Variants in ERCC6L2 observed in about 807,000 individuals in gnomAD.
ERCC6L2 encodes the protein DNA excision repair protein ERCC-6-like 2.
ERCC6L2 carries 77 observed loss-of-function variants against 132.0 expected under a neutral mutation model. That is an observed-to-expected ratio of 0.58 (90% CI 0.49 to 0.71). The LOEUF is 0.71. Ranked by LOEUF, ERCC6L2 falls within the 30% of genes least tolerant of loss-of-function variation. The probability of loss-of-function intolerance (pLI) is 0.00; values close to 1 mark genes in which losing one functional copy is unlikely to be tolerated. For synonymous variants in ERCC6L2, 583 were observed against 632.4 expected, an observed-to-expected ratio of 0.92 and a Z score of 1.17; for missense variants, 1,542 against 1,837.6, an observed-to-expected ratio of 0.84 and a Z score of 2.94.
At chr9:95,890,589 C>T (rs1034576783) in intron 2 of ERCC6L2, among the ~76,000 whole-genome samples, 1 of 152,172 alleles carries the variant, frequency 6.6e-6, no homozygotes, top group Non-Finnish European at 1.5e-5. Flanking sequence ...TTTGCAAAAG[C>T]TACTTTGTTT....
chr9:95,880,136 T>G (rs1827511740), intron 1 of ERCC6L2, among the ~76,000 whole-genome samples: 1 of 152,124 alleles, frequency 6.6e-6, no homozygotes, highest in Admixed American at 6.5e-5. Context: ...CAGAAAGAGA[T>G]CTTAGAATTC....
intron 13 of ERCC6L2, among the ~76,000 whole-genome samples, chr9:95,962,560 A>G (rs1298428577): frequency 6.6e-6 from 1 of 152,226 alleles, no homozygotes; most frequent in Non-Finnish European, 1.5e-5. Flanking sequence ...TGATGTGGCA[A>G]GATGTCTGAA....
intron 18 of ERCC6L2, among the ~76,000 whole-genome samples, chr9:96,009,595 C>G (rs763223294): frequency 5.3e-5 from 8 of 152,176 alleles, no homozygotes; most frequent in African/African-American, 9.7e-5. Flanking sequence ...TTTTTTCCCC[C>G]TTTCCCTAAG....
intron 13 of ERCC6L2, among the ~76,000 whole-genome samples, chr9:95,962,292 G>A (rs997588624): frequency 7.2e-4 from 109 of 152,090 alleles, no homozygotes; most frequent in African/African-American, 2.6e-3. Context: ...TGTTGGTTGG[G>A]GCATTTGAGA....
intron 4 of ERCC6L2, 125 bp from the exon 5 acceptor site, chr9:95,915,543 G>A (rs1198286064): frequency 1.1e-5 from 10 of 943,420 alleles, no homozygotes; most frequent in East Asian, 2.4e-5. Context: ...ATCCAATGGA[G>A]TCATCAAAGA....
chr9:95,961,943 C>G (rs891760080), intron 13 of ERCC6L2, among the ~76,000 whole-genome samples: 17 of 152,068 alleles, frequency 1.1e-4, no homozygotes, highest in African/African-American at 4.1e-4. Flanking sequence ...TTCACTACCA[C>G]GAGAACAGTA....
intron 12 of ERCC6L2, chr9:95,954,721 T>C (rs373654156): frequency 2.1e-6 from 1 of 467,356 alleles, no homozygotes; most frequent in South Asian, 1.6e-5. Flanking sequence ...TTTCTGGTTT[T>C]CTTTAGAACC....
intron 17 of ERCC6L2, among the ~76,000 whole-genome samples, chr9:95,993,871 CTGT>C (rs1369657242): frequency 6.6e-6 from 1 of 152,112 alleles, no homozygotes; most frequent in Non-Finnish European, 1.5e-5. Flanking sequence ...AATCTAAATG[CTGT>C]TGTTTTTTTC....
At chr9:95,892,911 A>G (rs1008545716) in intron 2 of ERCC6L2, among the ~76,000 whole-genome samples, 2 of 152,160 alleles carry the variant, frequency 1.3e-5, no homozygotes, top group African/African-American at 4.8e-5. Flanking sequence ...TGGAATATTT[A>G]GTTCATTTAC....
chr9:96,034,551 G>C (rs1834497911), intron 19 of ERCC6L2, among the ~76,000 whole-genome samples: 1 of 152,200 alleles, frequency 6.6e-6, no homozygotes, highest in South Asian at 2.1e-4. Context: ...GGCGGTCTTT[G>C]ACAAACAAGC....
chr9:95,980,115 A>G (rs1176799633), intron 17 of ERCC6L2, among the ~76,000 whole-genome samples: 1 of 152,198 alleles, frequency 6.6e-6, no homozygotes, highest in Non-Finnish European at 1.5e-5. Flanking sequence ...CAAAGTTATA[A>G]AAACGAAAAT....
intron 19 of ERCC6L2, among the ~76,000 whole-genome samples, chr9:96,026,781 A>G (rs1173419677): frequency 1.0e-5 from 1 of 100,156 alleles, no homozygotes; most frequent in Admixed American, 1.0e-4. Flanking sequence ...ACACACAAAC[A>G]CCACACACAC....
chr9:95,938,000 T>G (rs931041503), intron 11 of ERCC6L2, among the ~76,000 whole-genome samples: 2 of 152,024 alleles, frequency 1.3e-5, no homozygotes, highest in Admixed American at 1.3e-4. Context: ...ATATGTTGTA[T>G]TTTCATTTGT....
At chr9:95,947,476 A>G (rs1353782480) in intron 12 of ERCC6L2, among the ~76,000 whole-genome samples, 3 of 152,242 alleles carry the variant, frequency 2.0e-5, no homozygotes, top group Non-Finnish European at 4.4e-5. Flanking sequence ...GTGCAAGGTG[A>G]AGCAGCAAGT....
chr9:96,033,489 C>T (rs373840278), intron 19 of ERCC6L2, among the ~76,000 whole-genome samples: 55 of 152,266 alleles, frequency 3.6e-4, no homozygotes, highest in Admixed American at 3.0e-3. Context: ...TCAGGTGATC[C>T]GCCTGCCTTG....
At chr9:95,894,036 A>C (rs769898848) in intron 2 of ERCC6L2, among the ~76,000 whole-genome samples, 5 of 152,212 alleles carry the variant, frequency 3.3e-5, no homozygotes, top group African/African-American at 4.8e-5. Context: ...AGTTGAAAAC[A>C]CATTTAATAC....
chr9:95,918,172 G>T, intron 6 of ERCC6L2: 1 of 472,556 alleles, frequency 2.1e-6, no homozygotes, highest in South Asian at 1.6e-5. Flanking sequence ...CCTGGCTAAA[G>T]GAGCAGAGGA....
chr9:95,966,538 T>C (rs767974390), intron 13 of ERCC6L2, 24 bp from the exon 14 acceptor site: 2 of 1,441,910 alleles, frequency 1.4e-6, no homozygotes, highest in Non-Finnish European at 9.3e-7. Flanking sequence ...ACTTCAAAAA[T>C]GTCTTGTGTT....
chr9:95,897,720 C>A, intron 2 of ERCC6L2, 129 bp from the exon 3 acceptor site: 1 of 942,130 alleles, frequency 1.1e-6, no homozygotes, highest in Non-Finnish European at 1.6e-6. Context: ...ACTAATATTT[C>A]ATGTTCTATT....
Sources: allele counts gnomAD v4.1 joint callset (sites outside exome capture counted in the v4.1 genomes callset), GRCh38; gene constraint gnomAD v4.1.1; transcripts MANE v1.5; gene names NCBI Gene and HGNC (gene_info 2026-07-23, HGNC 2026-07-21).